KCTD16: variants seen among roughly 807,000 people sequenced by gnomAD.
KCTD16 encodes the protein BTB/POZ domain-containing protein KCTD16.
KCTD16 carries 13 observed loss-of-function variants against 33.2 expected under a neutral mutation model. That is an observed-to-expected ratio of 0.39 (90% CI 0.25 to 0.62). The LOEUF is 0.62. Among genes scored for constraint, KCTD16 ranks in the 20% least tolerant of loss-of-function variants. KCTD16 has a pLI of 0.50. For synonymous variants in KCTD16, 197 were observed against 195.3 expected, an observed-to-expected ratio of 1.01 and a Z score of -0.07; for missense variants, 441 against 525.1, an observed-to-expected ratio of 0.84 and a Z score of 1.57.
intron 3 of KCTD16, among the ~76,000 whole-genome samples, chr5:144,225,079 A>G (rs1010205755): frequency 2.6e-5 from 4 of 152,202 alleles, no homozygotes; most frequent in Non-Finnish European, 5.9e-5. Context: ...CCATCATGCC[A>G]TACCACAGAA....
chr5:144,326,402 T>A (rs902404277), intron 3 of KCTD16, among the ~76,000 whole-genome samples: 3 of 152,160 alleles, frequency 2.0e-5, no homozygotes, highest in Non-Finnish European at 4.4e-5. Context: ...ATAGTATAAA[T>A]TTTTAAAAAA....
At chr5:144,307,086 C>T (rs113760157) in intron 3 of KCTD16, among the ~76,000 whole-genome samples, 69 of 152,346 alleles carry the variant, frequency 4.5e-4, no homozygotes, top group African/African-American at 1.6e-3. Context: ...CTTCTCCATA[C>T]CTGCATGCCA....
At chr5:144,408,782 C>T (rs1360062408) in intron 3 of KCTD16, among the ~76,000 whole-genome samples, 2 of 152,288 alleles carry the variant, frequency 1.3e-5, no homozygotes, top group African/African-American at 2.4e-5. Flanking sequence ...TCCCTATACT[C>T]CTGTTATTAT....
chr5:144,218,459 T>A (rs2126800733), intron 3 of KCTD16, among the ~76,000 whole-genome samples: 1 of 152,318 alleles, frequency 6.6e-6, no homozygotes, highest in South Asian at 2.1e-4. Flanking sequence ...TTATTAACAA[T>A]CCTTTTATTT....
chr5:144,175,844 G>A (rs1752495260), intron 2 of KCTD16, among the ~76,000 whole-genome samples: 1 of 152,170 alleles, frequency 6.6e-6, no homozygotes, highest in African/African-American at 2.4e-5. Context: ...ATGAATCTAT[G>A]TAGCTACAGA....
Position 144,435,359 on chromosome 5 carries a change from T to G in KCTD16, c.833-38301T>G, listed in dbSNP as rs79671922. ...ATGTCTTTCCAGATCACTGTATCTG[T>G]TGGTTTAAATCTATCTACTATATTA... is the stretch of plus-strand genomic sequence containing the variant. On this transcript the variant is annotated intron_variant, in intron 3 of 3. Coordinates refer to ENST00000512467, the MANE Select transcript of KCTD16 (RefSeq NM_020768.4). Among the ~76,000 whole-genome samples, 554 of 152,230 alleles carry G rather than the reference T, an allele frequency of 3.6e-3. 4 individuals carry two copies. The highest frequency in any genetic ancestry group is 0.013 in the African/African-American group (533 of 41,540).
chr5:144,335,685 A>G (rs1206708867), intron 3 of KCTD16, among the ~76,000 whole-genome samples: 2 of 152,214 alleles, frequency 1.3e-5, no homozygotes, highest in African/African-American at 4.8e-5. Flanking sequence ...ATCATAAAAA[A>G]TGAAGCAGAA....
chr5:144,423,694 C>A (rs1358745018), intron 3 of KCTD16, among the ~76,000 whole-genome samples: 1 of 152,112 alleles, frequency 6.6e-6, no homozygotes, highest in Non-Finnish European at 1.5e-5. Context: ...AAACCTTGAA[C>A]TAACCCAGTG....
chr5:144,438,052 C>T (rs767373785), intron 3 of KCTD16, among the ~76,000 whole-genome samples: 18 of 151,970 alleles, frequency 1.2e-4, no homozygotes, highest in Admixed American at 6.6e-4. Context: ...ATATTGATTA[C>T]GTGTGAAATG....
At chr5:144,435,284 T>C (rs1040379664) in intron 3 of KCTD16, among the ~76,000 whole-genome samples, 5 of 152,170 alleles carry the variant, frequency 3.3e-5, no homozygotes, top group Non-Finnish European at 5.9e-5. Context: ...AAGATAACAG[T>C]AGTATCACCC....
chr5:144,257,602 C>T (rs888715924), intron 3 of KCTD16, among the ~76,000 whole-genome samples: 12 of 152,042 alleles, frequency 7.9e-5, no homozygotes, highest in Non-Finnish European at 1.5e-4. Context: ...CATTCTCCTG[C>T]CTCAGCCTCC....
chr5:144,220,150 C>T (rs1334512354), intron 3 of KCTD16, among the ~76,000 whole-genome samples: 1 of 152,180 alleles, frequency 6.6e-6, no homozygotes, highest in East Asian at 1.9e-4. Context: ...TACCTCTCCC[C>T]CAAACACTCA....
intron 3 of KCTD16, among the ~76,000 whole-genome samples, chr5:144,460,836 T>C (rs1754177542): frequency 6.6e-6 from 1 of 152,138 alleles, no homozygotes; most frequent in Non-Finnish European, 1.5e-5. Flanking sequence ...GTTTAGTGCT[T>C]AGTGAATGAA....
intron 3 of KCTD16, among the ~76,000 whole-genome samples, chr5:144,221,098 C>G (rs1272995720): frequency 2.0e-5 from 3 of 152,136 alleles, no homozygotes; most frequent in Non-Finnish European, 2.9e-5. Flanking sequence ...AATGGTAGAT[C>G]TATGTAACTG....
intron 3 of KCTD16, among the ~76,000 whole-genome samples, chr5:144,297,934 GC>G (rs1756090474): frequency 6.6e-6 from 1 of 152,160 alleles, no homozygotes; most frequent in African/African-American, 2.4e-5. Context: ...CTAGAGCTGA[GC>G]TTTTGCTCAC....
chr5:144,419,558 G>A (rs1485943345), intron 3 of KCTD16, among the ~76,000 whole-genome samples: 1 of 152,080 alleles, frequency 6.6e-6, no homozygotes, highest in Non-Finnish European at 1.5e-5. Context: ...TGCTGCTGGA[G>A]GCAGGGCAAT....
intron 3 of KCTD16, among the ~76,000 whole-genome samples, chr5:144,218,767 C>G (rs1202843710): frequency 1.3e-5 from 2 of 152,124 alleles, no homozygotes; most frequent in African/African-American, 2.4e-5. Flanking sequence ...TAATCTCATG[C>G]ACAAATCATT....
At position 144,299,133 on chromosome 5, in the gene KCTD16, TATATATATATATATA is replaced by T. The variant is rs1259909428; in HGVS notation, c.832+91588_832+91602del. The stretch of plus-strand genomic sequence containing the variant: ...ATATATATATATATATATATATATA[TATATATATATATATA>T]TTTTTTTTTTTTTTTTTAACCTGTC... On this transcript the variant is annotated intron_variant, in intron 3 of 3. Coordinates refer to ENST00000512467, the MANE Select transcript of KCTD16 (RefSeq NM_020768.4). 7.6e-3 allele frequency among the ~76,000 whole-genome samples: 243 copies of T among 32,148 alleles called. 9 individuals carry two copies. Among genetic ancestry groups the T allele is most frequent in the African/African-American group, 0.054 (196 of 3,632 alleles). The allele number at this position is 32,148 out of a possible 152,430, so 21.1% of individuals were successfully genotyped here. A position where few individuals can be genotyped will look rare whatever the true frequency, so the allele number is the denominator to read the frequency against.
intron 3 of KCTD16, among the ~76,000 whole-genome samples, chr5:144,468,290 G>C (rs1442917687): frequency 6.6e-6 from 1 of 152,162 alleles, no homozygotes; most frequent in Non-Finnish European, 1.5e-5. Context: ...TTACCTGTTT[G>C]CATTTTCACT....
Sources: allele counts gnomAD v4.1 joint callset (sites outside exome capture counted in the v4.1 genomes callset), GRCh38; gene constraint gnomAD v4.1.1; transcripts MANE v1.5; gene names NCBI Gene and HGNC (gene_info 2026-07-23, HGNC 2026-07-21).